The following RIMS1 variants were observed in gnomAD, a reference collection of about 807,000 sequenced individuals.
RIMS1 encodes the protein regulating synaptic membrane exocytosis 1.
A neutral mutation model predicts 214.1 loss-of-function variants in RIMS1; 83 were observed. The ratio of observed to expected loss-of-function variants is 0.39; its 90% CI spans 0.32 to 0.47. RIMS1 has a LOEUF of 0.47. Among genes scored for constraint, RIMS1 ranks in the 20% least tolerant of loss-of-function variants. The pLI is 0.99. For missense variants in RIMS1, 2,050 were observed against 2,161.8 expected (o/e 0.95, Z 1.03); for synonymous variants, 793 against 786.8 (o/e 1.01, Z -0.13).
chr6:71,921,911 G>C (rs1458787851), intron 1 of RIMS1, among the ~76,000 whole-genome samples: 2 of 152,140 alleles, frequency 1.3e-5, no homozygotes, highest in Non-Finnish European at 2.9e-5. Context: ...CTTATCTCAA[G>C]TGATTGTTCT....
At chr6:72,081,198 G>C (rs1334261825) in intron 2 of RIMS1, among the ~76,000 whole-genome samples, 1 of 152,210 alleles carries the variant, frequency 6.6e-6, no homozygotes, top group African/African-American at 2.4e-5. Context: ...TGATTTATCA[G>C]AGGGGATTAC....
intron 1 of RIMS1, among the ~76,000 whole-genome samples, chr6:71,943,664 A>G (rs892827987): frequency 6.6e-6 from 1 of 152,196 alleles, no homozygotes; most frequent in South Asian, 2.1e-4. Context: ...GTTAATATAT[A>G]ATAATATAGG....
At chr6:72,327,841 T>A in intron 28 of RIMS1, among the ~76,000 whole-genome samples, 1 of 151,880 alleles carries the variant, frequency 6.6e-6, no homozygotes. Flanking sequence ...GGGAATTTTC[T>A]TAAAATGGTA....
At chr6:71,893,005 CCTT>C (rs1562133798) in intron 1 of RIMS1, among the ~76,000 whole-genome samples, 1 of 152,148 alleles carries the variant, frequency 6.6e-6, no homozygotes, top group Non-Finnish European at 1.5e-5. Flanking sequence ...TAATGGCAGT[CCTT>C]CTAATCTGTG....
At chr6:72,332,185 A>C (rs1393190442) in intron 28 of RIMS1, among the ~76,000 whole-genome samples, 2 of 151,906 alleles carry the variant, frequency 1.3e-5, no homozygotes, top group East Asian at 2.0e-4. Flanking sequence ...TATATCAGCT[A>C]GTGTGTATTT....
At chr6:72,113,040 C>T (rs557936767) in intron 4 of RIMS1, among the ~76,000 whole-genome samples, 20 of 152,188 alleles carry the variant, frequency 1.3e-4, no homozygotes, top group African/African-American at 4.6e-4. Flanking sequence ...CAGGCAAAGC[C>T]CTGCTGTACC....
At chr6:72,242,488 T>C in intron 10 of RIMS1, 51 bp downstream of exon 10, 1 of 1,374,064 alleles carries the variant, frequency 7.3e-7, no homozygotes, top group Non-Finnish European at 9.9e-7. Flanking sequence ...CATGTATTAG[T>C]AGGGTTTTAA....
At chr6:72,103,190 T>C (rs1262797078) in intron 4 of RIMS1, among the ~76,000 whole-genome samples, 1 of 152,278 alleles carries the variant, frequency 6.6e-6, no homozygotes, top group East Asian at 1.9e-4. Context: ...TGTCTGGTTT[T>C]GCTGAGCTTA....
intron 26 of RIMS1, among the ~76,000 whole-genome samples, chr6:72,302,492 T>C (rs1356367796): frequency 6.6e-6 from 1 of 151,628 alleles, no homozygotes; most frequent in East Asian, 1.9e-4. Flanking sequence ...CTTGTTAATC[T>C]CAGCTTTTTT....
At chr6:71,995,254 T>C (rs1485699782) in intron 2 of RIMS1, among the ~76,000 whole-genome samples, 1 of 152,226 alleles carries the variant, frequency 6.6e-6, no homozygotes, top group Non-Finnish European at 1.5e-5. Context: ...AGGAAATTAA[T>C]TTAGAAATGA....
intron 28 of RIMS1, among the ~76,000 whole-genome samples, chr6:72,316,051 A>G (rs1188148805): frequency 1.3e-5 from 2 of 152,112 alleles, no homozygotes; most frequent in Non-Finnish European, 2.9e-5. Flanking sequence ...TTTTGTTCCT[A>G]TCATGTGTAA....
intron 6 of RIMS1, among the ~76,000 whole-genome samples, chr6:72,190,230 G>A (rs1020720294): frequency 2.0e-5 from 3 of 152,060 alleles, no homozygotes; most frequent in Non-Finnish European, 2.9e-5. Flanking sequence ...TTGGGAGGCC[G>A]AGGTGGGCGG....
rs544810973 is a variant in RIMS1 at position 72,400,442 on chromosome 6, C to T, written c.4861-54C>T. 7.4e-5 allele frequency: 111 copies of T among 1,504,020 alleles called. 2 individuals are homozygous for T. In the South Asian group the frequency reaches 8.9e-4, roughly 12 times the overall value. 93.2% of individuals were successfully genotyped at this position (1,504,020 alleles called of 1,614,324 possible). On this transcript the variant is annotated intron_variant, in intron 33 of 33. Coordinates refer to ENST00000521978, the MANE Select transcript of RIMS1 (RefSeq NM_014989.7). ...TACAGCATAGTTGCTTTGAGCCCTTCGAATGTGAAGCAGAGAGAAGTCCAG... is the reference window on the plus strand; with the variant it reads ...TACAGCATAGTTGCTTTGAGCCCTTTGAATGTGAAGCAGAGAGAAGTCCAG...
At chr6:72,357,273 T>G (rs1315771566) in intron 29 of RIMS1, among the ~76,000 whole-genome samples, 1 of 152,166 alleles carries the variant, frequency 6.6e-6, no homozygotes, top group Non-Finnish European at 1.5e-5. Flanking sequence ...GACCAGCACT[T>G]TGGGCTGAAA....
At chr6:72,334,207 C>T (rs968450746) in intron 29 of RIMS1, among the ~76,000 whole-genome samples, 1 of 151,760 alleles carries the variant, frequency 6.6e-6, no homozygotes, top group Non-Finnish European at 1.5e-5. Flanking sequence ...TTGGCTATAT[C>T]TATACTTTTT....
At chr6:72,271,633 TTA>T (rs1338097675) in intron 22 of RIMS1, among the ~76,000 whole-genome samples, 1 of 152,108 alleles carries the variant, frequency 6.6e-6, no homozygotes, top group Non-Finnish European at 1.5e-5. Context: ...GTTTTAAAGT[TTA>T]TCAATGCCTG....
At position 72,253,667 on chromosome 6, in the gene RIMS1, C is replaced by T. The variant is rs578001921; in HGVS notation, c.2770+835C>T. Among the ~76,000 whole-genome samples the T allele has an allele frequency of 8.8e-4, 134 of 151,562 alleles. 1 individual carries two copies. The Middle Eastern group carries it at 0.017, about 19-fold the overall frequency. ...ATATATATGCCCTTGATATATATGC[C>T]CTTTATTTACATAATTTCTCAGATG... On this transcript the variant is annotated intron_variant, in intron 16 of 33. Coordinates refer to ENST00000521978, the MANE Select transcript of RIMS1 (RefSeq NM_014989.7).
At chr6:71,924,458 G>T (rs1286837107) in intron 1 of RIMS1, among the ~76,000 whole-genome samples, 2 of 151,726 alleles carry the variant, frequency 1.3e-5, no homozygotes, top group African/African-American at 4.9e-5. Flanking sequence ...ATAAAGATTT[G>T]TTCCTGTCTC....
chr6:72,027,042 CAT>C (rs1317847543), intron 2 of RIMS1, among the ~76,000 whole-genome samples: 2 of 152,150 alleles, frequency 1.3e-5, no homozygotes, highest in Non-Finnish European at 1.5e-5. Context: ...GAATTTTAAT[CAT>C]GTGTGCATAT....
Sources: gnomAD v4.1 joint callset for allele counts (sites outside exome capture counted in the v4.1 genomes callset) on GRCh38, gnomAD v4.1.1 for gene constraint, MANE v1.5 for transcripts, NCBI Gene and HGNC (gene_info 2026-07-23, HGNC 2026-07-21) for gene names.